ZNF385D: variants seen among roughly 807,000 people sequenced by gnomAD.
ZNF385D encodes zinc finger protein 385D, also known as zinc finger protein 659.
A neutral mutation model predicts 35.8 loss-of-function variants in ZNF385D; 15 were observed. That is an observed-to-expected ratio of 0.42 (90% CI 0.28 to 0.64). ZNF385D has a LOEUF of 0.64. Among genes scored for constraint, ZNF385D ranks in the 30% least tolerant of loss-of-function variants. The probability of loss-of-function intolerance (pLI) is 0.23; values close to 1 mark genes in which losing one functional copy is unlikely to be tolerated. For missense variants in ZNF385D, 474 were observed against 494.6 expected (o/e 0.96, Z 0.39); for synonymous variants, 212 against 186.8 (o/e 1.13, Z -1.10).
intron 3 of ZNF385D, among the ~76,000 whole-genome samples, chr3:21,772,115 T>C (rs1412480913): frequency 6.6e-6 from 1 of 151,880 alleles, no homozygotes; most frequent in East Asian, 1.9e-4. Context: ...GAACGAGAAA[T>C]ATAACGCTTC....
At chr3:22,146,226 G>C (rs1704844649) in intron 3 of ZNF385D, among the ~76,000 whole-genome samples, 2 of 152,264 alleles carry the variant, frequency 1.3e-5, no homozygotes, top group South Asian at 4.1e-4. Flanking sequence ...TCACCTCACA[G>C]TTCTACATTG....
At chr3:21,855,548 C>A (rs1252525554) in intron 3 of ZNF385D, among the ~76,000 whole-genome samples, 2 of 152,064 alleles carry the variant, frequency 1.3e-5, no homozygotes, top group Non-Finnish European at 2.9e-5. Flanking sequence ...CTGCATTAAT[C>A]AGAATCCATT....
rs148430433 is a variant in ZNF385D at position 21,789,377 on chromosome 3, C to G, written c.326-124349G>C. ...TAGGAGAATTCAAAGTGGCAGCTTC[C>G]ACTGATCAGTACTTGGGAGTGGGGA... is the stretch of plus-strand genomic sequence containing the variant. On this transcript the variant is annotated intron_variant, in intron 3 of 5. Coordinates refer to the ZNF385D transcript ENST00000494108. 3.7e-4 allele frequency among the ~76,000 whole-genome samples: 57 copies of G among 152,220 alleles called. 1 individual carries two copies. The East Asian group carries it at 5.8e-3, about 15-fold the overall frequency.
intron 2 of ZNF385D, among the ~76,000 whole-genome samples, chr3:21,659,414 C>T (rs1186080949): frequency 1.3e-5 from 2 of 152,002 alleles, no homozygotes; most frequent in Non-Finnish European, 2.9e-5. Context: ...TCATGACACA[C>T]ATAAAAACTT....
intron 3 of ZNF385D, among the ~76,000 whole-genome samples, chr3:22,096,485 A>G (rs559262687): frequency 1.2e-4 from 18 of 152,174 alleles, no homozygotes; most frequent in African/African-American, 4.1e-4. Context: ...ATAGAGACAT[A>G]TAACTCTAAT....
intron 2 of ZNF385D, among the ~76,000 whole-genome samples, chr3:22,242,493 G>A (rs1046745924): frequency 3.3e-5 from 5 of 150,368 alleles, no homozygotes; most frequent in African/African-American, 7.4e-5. Context: ...ATTTTTCCCC[G>A]AAATCAATAA....
intron 3 of ZNF385D, among the ~76,000 whole-genome samples, chr3:22,064,507 T>C (rs6550655): frequency 0.49 from 74,086 of 152,020 alleles, 19,078 homozygotes; most frequent in African/African-American, 0.66. Flanking sequence ...TGCAGCACTA[T>C]TCACAATAAC....
At chr3:21,705,336 A>AT (rs1449933453) in intron 1 of ZNF385D, among the ~76,000 whole-genome samples, 7 of 152,146 alleles carry the variant, frequency 4.6e-5, no homozygotes, top group African/African-American at 1.7e-4. Context: ...CATCAGAAAT[A>AT]TTTTCTTGGT....
At chr3:21,663,562 T>C (rs35020519) in intron 2 of ZNF385D, among the ~76,000 whole-genome samples, 68,685 of 151,544 alleles carry the variant, frequency 0.45, 16,842 homozygotes, top group Non-Finnish European at 0.55. Context: ...GGGATTTCAG[T>C]GTAGTCATTT....
At chr3:22,021,296 T>A (rs1697212782) in intron 3 of ZNF385D, among the ~76,000 whole-genome samples, 1 of 151,986 alleles carries the variant, frequency 6.6e-6, no homozygotes, top group Non-Finnish European at 1.5e-5. Flanking sequence ...AGTGTCATAC[T>A]AAATGTTGAT....
chr3:21,587,987 G>T (rs2063860727), intron 2 of ZNF385D, among the ~76,000 whole-genome samples: 1 of 152,110 alleles, frequency 6.6e-6, no homozygotes, highest in African/African-American at 2.4e-5. Context: ...CAATTTTAGT[G>T]CCCATCAGTT....
chr3:22,192,292 G>T (rs1213157002), intron 2 of ZNF385D, among the ~76,000 whole-genome samples: 1 of 152,116 alleles, frequency 6.6e-6, no homozygotes, highest in Non-Finnish European at 1.5e-5. Flanking sequence ...AATAGCCTTT[G>T]TTTCCCCAGA....
chr3:21,577,917 C>T (rs1455890544), intron 2 of ZNF385D, among the ~76,000 whole-genome samples: 7 of 151,806 alleles, frequency 4.6e-5, no homozygotes, highest in Admixed American at 4.6e-4. Context: ...TTAAGCGATC[C>T]TCCTACCTCA....
At chr3:21,471,076 T>C (rs1418259331) in intron 4 of ZNF385D, among the ~76,000 whole-genome samples, 1 of 152,130 alleles carries the variant, frequency 6.6e-6, no homozygotes, top group Non-Finnish European at 1.5e-5. Context: ...GTTCTAAGTC[T>C]CTCAATTTAC....
rs564391610 is a variant in ZNF385D, at chr3:22,294,128, C to T, written c.106+78322G>A. On this transcript the variant is annotated intron_variant, in intron 2 of 5. Coordinates refer to the ZNF385D transcript ENST00000494108. The stretch of plus-strand genomic sequence containing the variant: ...ACTCTAAGACCATTATAAATATAAC[C>T]TTAATATTGCATTATGTACCTTTGT... Among the ~76,000 whole-genome samples the T allele has an allele frequency of 2.0e-5, 3 of 151,992 alleles. No individual in the cohort carries two copies. In the South Asian group the frequency reaches 6.2e-4, roughly 32 times the overall value.
intron 2 of ZNF385D, among the ~76,000 whole-genome samples, chr3:21,601,396 T>C (rs989217675): frequency 6.6e-5 from 10 of 152,186 alleles, no homozygotes; most frequent in African/African-American, 1.2e-4. Flanking sequence ...ACACTTCCAA[T>C]TGATTAGCAC....
At chr3:22,151,351 G>A (rs1213779206) in intron 3 of ZNF385D, among the ~76,000 whole-genome samples, 2 of 152,114 alleles carry the variant, frequency 1.3e-5, no homozygotes, top group Non-Finnish European at 2.9e-5. Context: ...GAAACCAAGA[G>A]TATTATGTTA....
intron 3 of ZNF385D, among the ~76,000 whole-genome samples, chr3:22,157,519 T>G (rs1270634754): frequency 3.3e-5 from 5 of 152,100 alleles, no homozygotes; most frequent in African/African-American, 1.2e-4. Flanking sequence ...TAGGTCAGAA[T>G]TCTTATTCCT....
At chr3:21,816,820 A>G (rs1343586677) in intron 3 of ZNF385D, among the ~76,000 whole-genome samples, 1 of 152,226 alleles carries the variant, frequency 6.6e-6, no homozygotes, top group African/African-American at 2.4e-5. Context: ...TCTTCACAGA[A>G]TTGGAAAAAA....
Sources: allele counts gnomAD v4.1 joint callset (sites outside exome capture counted in the v4.1 genomes callset), GRCh38; gene constraint gnomAD v4.1.1; transcripts MANE v1.5; gene names NCBI Gene and HGNC (gene_info 2026-07-23, HGNC 2026-07-21).